TLK2: variants seen among roughly 807,000 people sequenced by gnomAD.
TLK2 encodes serine/threonine-protein kinase tousled-like 2.
Under a neutral mutation model 117.3 loss-of-function variants are expected in TLK2, and 6 were observed. The observed-to-expected ratio is 0.05, with a 90% confidence interval of 0.03 to 0.10. The LOEUF (loss-of-function observed/expected upper bound fraction) is 0.10, where lower values mean the gene tolerates loss of function less well. TLK2 is among the 10% of genes least tolerant of loss of function. The pLI is 1.00. For missense variants in TLK2, 299 were observed against 901.2 expected (o/e 0.33, Z 8.56); for synonymous variants, 257 against 316.7 (o/e 0.81, Z 2.00).
intron 6 of TLK2, among the ~76,000 whole-genome samples, chr17:62,529,876 G>A (rs2076622241): frequency 6.6e-6 from 1 of 151,310 alleles, no homozygotes; most frequent in Non-Finnish European, 1.5e-5. Flanking sequence ...TAGTAGCTAG[G>A]CTGTCTTTGG....
chr17:62,540,645 C>T (rs1433975532), intron 7 of TLK2, among the ~76,000 whole-genome samples: 3 of 151,404 alleles, frequency 2.0e-5, no homozygotes, highest in African/African-American at 7.3e-5. Flanking sequence ...GTGATCCACC[C>T]GCCTTGGCCT....
chr17:62,493,237 G>C (rs1007840913), intron 2 of TLK2, among the ~76,000 whole-genome samples: 1 of 152,162 alleles, frequency 6.6e-6, no homozygotes, highest in African/African-American at 2.4e-5. Flanking sequence ...TTGTCCTTTT[G>C]ACTGGCTTGT....
At chr17:62,497,785 C>G (rs1237561489) in intron 2 of TLK2, among the ~76,000 whole-genome samples, 3 of 152,178 alleles carry the variant, frequency 2.0e-5, no homozygotes, top group African/African-American at 7.2e-5. Context: ...ACCTCCACCT[C>G]CCAGGATCAA....
At chr17:62,598,518 T>C (rs1370340455) in intron 17 of TLK2, among the ~76,000 whole-genome samples, 2 of 152,032 alleles carry the variant, frequency 1.3e-5, no homozygotes, top group Non-Finnish European at 2.9e-5. Context: ...TCTTTTGTTT[T>C]GGTTGTTTTC....
chr17:62,555,714 T>C (rs2078810565), intron 9 of TLK2, among the ~76,000 whole-genome samples: 1 of 151,986 alleles, frequency 6.6e-6, no homozygotes, highest in African/African-American at 2.4e-5. Context: ...CCTGACCTTG[T>C]GATCCACCCA....
intron 7 of TLK2, chr17:62,549,824 G>C (rs1312143198): frequency 7.5e-6 from 1 of 132,572 alleles, no homozygotes; most frequent in Non-Finnish European, 1.6e-5. Context: ...AATTTTTTTT[G>C]TTTTGTATTG....
Position 62,612,681 on chromosome 17 carries a change from T to G in TLK2, c.*116T>G. 1 of 1,187,470 alleles carries G rather than the reference T, an allele frequency of 8.4e-7. No individual in the cohort carries two copies. Among genetic ancestry groups the G allele is most frequent in the Non-Finnish European group, 1.2e-6 (1 of 868,632 alleles). The allele number at this position is 1,187,470 out of a possible 1,614,324, so 73.6% of individuals were successfully genotyped here. A position where few individuals can be genotyped will look rare whatever the true frequency, so the allele number is the denominator to read the frequency against. On this transcript the variant is annotated 3_prime_UTR_variant, in exon 22 of 22. Transcript: ENST00000346027. ...ATCTGATGAAACCTGTACCAGGTGC[T>G]TTTATTTTCTTGCTTTTTTCCCATC...
intron 3 of TLK2, among the ~76,000 whole-genome samples, chr17:62,521,450 G>T (rs1038163077): frequency 2.6e-5 from 4 of 152,148 alleles, no homozygotes; most frequent in African/African-American, 9.7e-5. Flanking sequence ...TGTCATGCAG[G>T]TCAGAGTGCA....
intron 2 of TLK2, among the ~76,000 whole-genome samples, chr17:62,486,259 C>T (rs1484783359): frequency 6.6e-5 from 10 of 152,014 alleles, no homozygotes; most frequent in Admixed American, 1.3e-4. Flanking sequence ...CAGGTTCAAG[C>T]GATTCTCTTG....
chr17:62,520,923 A>G (rs949413883), intron 3 of TLK2, 79 bp downstream of exon 3: 54 of 1,528,902 alleles, frequency 3.5e-5, no homozygotes, highest in Non-Finnish European at 4.6e-5. Flanking sequence ...CTGTAATCCC[A>G]GCACTTTGGG....
intron 7 of TLK2, among the ~76,000 whole-genome samples, chr17:62,544,571 C>G (rs1043209485): frequency 6.6e-6 from 1 of 152,136 alleles, no homozygotes; most frequent in African/African-American, 2.4e-5. Context: ...ACCATACCAC[C>G]TGTCTTTATG....
intron 11 of TLK2, among the ~76,000 whole-genome samples, chr17:62,569,583 A>G (rs1361731772): frequency 4.0e-5 from 6 of 151,202 alleles, no homozygotes; most frequent in Admixed American, 6.6e-5. Flanking sequence ...CTACAGGCAC[A>G]CACCACCACT....
chr17:62,497,610 A>G (rs1457796628), intron 2 of TLK2, among the ~76,000 whole-genome samples: 1 of 152,154 alleles, frequency 6.6e-6, no homozygotes, highest in Non-Finnish European at 1.5e-5. Flanking sequence ...GTTTGTGGTA[A>G]GTTTTACTAC....
chr17:62,552,036 A>C (rs2078504572), intron 7 of TLK2: 1 of 439,488 alleles, frequency 2.3e-6, no homozygotes, highest in Admixed American at 3.8e-5. Context: ...ATTTTCTCTA[A>C]TTTTCATATT....
intron 2 of TLK2, among the ~76,000 whole-genome samples, chr17:62,501,681 C>G (rs1289208575): frequency 6.6e-6 from 1 of 152,008 alleles, no homozygotes; most frequent in Non-Finnish European, 1.5e-5. Flanking sequence ...CCCACAAGGC[C>G]AGGCACGGTG....
intron 16 of TLK2, among the ~76,000 whole-genome samples, chr17:62,591,104 C>T (rs2082045785): frequency 6.6e-6 from 1 of 152,108 alleles, no homozygotes; most frequent in South Asian, 2.1e-4. Flanking sequence ...ACAAAATTAG[C>T]TGGGCATGGT....
At chr17:62,539,852 C>T (rs547676674) in intron 7 of TLK2, among the ~76,000 whole-genome samples, 1 of 152,270 alleles carries the variant, frequency 6.6e-6, no homozygotes, top group East Asian at 1.9e-4. Flanking sequence ...CTCCTATGTG[C>T]AGAGGACTTC....
intron 6 of TLK2, among the ~76,000 whole-genome samples, chr17:62,533,021 G>A (rs1009747138): frequency 2.0e-5 from 3 of 152,054 alleles, no homozygotes; most frequent in Admixed American, 6.6e-5. Flanking sequence ...TTGTTCATTA[G>A]TTATGTATAT....
intron 7 of TLK2, among the ~76,000 whole-genome samples, chr17:62,544,116 G>A (rs2443112): frequency 0.88 from 133,846 of 152,212 alleles, 59,955 homozygotes; most frequent in East Asian, 1. Flanking sequence ...TGTCGGCACC[G>A]TTTTCAAAAA....
Sources: gnomAD v4.1 joint callset for allele counts (sites outside exome capture counted in the v4.1 genomes callset) on GRCh38, gnomAD v4.1.1 for gene constraint, MANE v1.5 for transcripts, NCBI Gene and HGNC (gene_info 2026-07-23, HGNC 2026-07-21) for gene names.